The following SGCD variants were observed in gnomAD, a reference collection of about 807,000 sequenced individuals.
The protein encoded by SGCD is delta-sarcoglycan.
SGCD carries 18 observed loss-of-function variants against 36.6 expected under a neutral mutation model. That is an observed-to-expected ratio of 0.49 (90% CI 0.34 to 0.73). The LOEUF (loss-of-function observed/expected upper bound fraction) is 0.73. Among genes scored for constraint, SGCD ranks in the 30% least tolerant of loss-of-function variants. SGCD has a pLI of 0.01. For synonymous variants in SGCD, 133 were observed against 130.6 expected, an observed-to-expected ratio of 1.02 and a Z score of -0.12; for missense variants, 387 against 346.7, an observed-to-expected ratio of 1.12 and a Z score of -0.92.
At chr5:156,382,800 T>C (rs1771055148) in intron 3 of SGCD, among the ~76,000 whole-genome samples, 1 of 152,224 alleles carries the variant, frequency 6.6e-6, no homozygotes, top group South Asian at 2.1e-4. Flanking sequence ...AGACTTTATG[T>C]ACTTTCAAAG....
At chr5:155,865,083 C>CATAGATAGATAGATAG in the SGCD span, among the ~76,000 whole-genome samples, 244 of 144,148 alleles carry the variant, frequency 1.7e-3, no homozygotes, top group East Asian at 4.1e-3. Flanking sequence ...TATACATAGC[C>CATAGATAGATAGATAG]ATAGATAGAT....
chr5:155,878,435 T>G (rs1457072792), intron 1 of SGCD, among the ~76,000 whole-genome samples: 1 of 148,296 alleles, frequency 6.7e-6, no homozygotes, highest in Non-Finnish European at 1.5e-5. Flanking sequence ...GGACATCCAG[T>G]TTTTTTTTTC....
chr5:156,506,007 G>A (rs1413161566), intron 3 of SGCD, among the ~76,000 whole-genome samples: 3 of 152,126 alleles, frequency 2.0e-5, no homozygotes, highest in Non-Finnish European at 4.4e-5. Context: ...CATGTTAACA[G>A]CATAACCCCA....
At chr5:156,434,322 T>G (rs1302270181) in intron 3 of SGCD, among the ~76,000 whole-genome samples, 2 of 152,208 alleles carry the variant, frequency 1.3e-5, no homozygotes, top group Non-Finnish European at 2.9e-5. Context: ...GAACAGAGTT[T>G]AGATGGGAGG....
chr5:156,478,769 CGG>C (rs1223985194), intron 3 of SGCD, among the ~76,000 whole-genome samples: 13 of 152,094 alleles, frequency 8.5e-5, no homozygotes, highest in African/African-American at 3.1e-4. Context: ...TTAGTAGAGA[CGG>C]GGTTTTGCCA....
intron 3 of SGCD, among the ~76,000 whole-genome samples, chr5:156,444,688 C>T (rs1753683495): frequency 6.6e-6 from 1 of 152,016 alleles, no homozygotes; most frequent in Admixed American, 6.6e-5. Flanking sequence ...CCATAAATAG[C>T]TTTTCCTTTC....
At chr5:155,832,622 C>T in the SGCD span, among the ~76,000 whole-genome samples, 13,970 of 152,066 alleles carry the variant, frequency 0.092, 828 homozygotes, top group South Asian at 0.2. Flanking sequence ...CTGCTGGCAG[C>T]CTTGTCCTTC....
the SGCD span, among the ~76,000 whole-genome samples, chr5:155,808,498 G>T: frequency 6.6e-6 from 1 of 152,162 alleles, no homozygotes; most frequent in East Asian, 1.9e-4. Flanking sequence ...CTTCTTATGG[G>T]ATACATAGTA....
At chr5:155,805,892 C>T in the SGCD span, among the ~76,000 whole-genome samples, 1 of 152,134 alleles carries the variant, frequency 6.6e-6, no homozygotes, top group Non-Finnish European at 1.5e-5. Context: ...AGGTGTTCTC[C>T]AGCATGTTAT....
intron 1 of SGCD, among the ~76,000 whole-genome samples, chr5:156,008,393 T>C (rs1483414387): frequency 1.3e-5 from 2 of 152,302 alleles, no homozygotes; most frequent in Admixed American, 1.3e-4. Context: ...TTTATTTTTT[T>C]GAGACAGGTT....
chr5:156,003,820 G>T (rs1172157383), intron 1 of SGCD, among the ~76,000 whole-genome samples: 2 of 152,118 alleles, frequency 1.3e-5, no homozygotes, highest in Non-Finnish European at 2.9e-5. Flanking sequence ...TCCCATTACT[G>T]TTATAAGGGA....
chr5:156,250,142 T>A (rs1765539777), intron 3 of SGCD, among the ~76,000 whole-genome samples: 1 of 152,224 alleles, frequency 6.6e-6, no homozygotes. Context: ...TCCATGGAAA[T>A]CAACATTGTC....
At chr5:156,500,857 A>G (rs1051801936) in intron 3 of SGCD, among the ~76,000 whole-genome samples, 3 of 152,164 alleles carry the variant, frequency 2.0e-5, no homozygotes, top group African/African-American at 7.2e-5. Context: ...TCAACATAAT[A>G]GCAATTTCCA....
At chr5:156,719,105 A>G (rs923040696) in intron 7 of SGCD, among the ~76,000 whole-genome samples, 1 of 152,114 alleles carries the variant, frequency 6.6e-6, no homozygotes, top group African/African-American at 2.4e-5. Flanking sequence ...GGTGGGGAAA[A>G]TAGAAAAAGA....
chr5:156,503,667 T>C (rs1756554252), intron 3 of SGCD, among the ~76,000 whole-genome samples: 1 of 152,158 alleles, frequency 6.6e-6, no homozygotes, highest in East Asian at 1.9e-4. Flanking sequence ...GCTATATAAT[T>C]TTGAGCAAGT....
the SGCD span, among the ~76,000 whole-genome samples, chr5:155,859,144 C>T: frequency 2.0e-5 from 3 of 151,892 alleles, no homozygotes; most frequent in African/African-American, 7.3e-5. Flanking sequence ...TCACTGCAGC[C>T]GTAACCCCCA....
At chr5:156,155,639 A>C (rs1039868201) in intron 3 of SGCD, among the ~76,000 whole-genome samples, 1 of 149,636 alleles carries the variant, frequency 6.7e-6, no homozygotes, top group East Asian at 2.0e-4. Context: ...AAAGAAGCAC[A>C]CAGGATTTAC....
the SGCD span, among the ~76,000 whole-genome samples, chr5:155,757,898 A>T: frequency 1.3e-5 from 2 of 152,094 alleles, no homozygotes; most frequent in East Asian, 3.9e-4. Context: ...AATAAGTCTC[A>T]TGAGATTTGA....
the SGCD span, among the ~76,000 whole-genome samples, chr5:155,864,924 C>G: frequency 6.6e-6 from 1 of 152,134 alleles, no homozygotes; most frequent in Non-Finnish European, 1.5e-5. Context: ...CACTAGCTAC[C>G]AGGATCTATG....
Sources: gnomAD v4.1 joint callset for allele counts (sites outside exome capture counted in the v4.1 genomes callset) on GRCh38, gnomAD v4.1.1 for gene constraint, MANE v1.5 for transcripts, NCBI Gene and HGNC (gene_info 2026-07-23, HGNC 2026-07-21) for gene names.